The following GPATCH2 variants were observed in gnomAD, a reference collection of about 807,000 sequenced individuals.
GPATCH2 encodes G-patch domain containing 2, also known as G patch domain-containing protein 2.
In GPATCH2, 51 loss-of-function variants were observed where a neutral mutation model predicts 58.0. The ratio of observed to expected loss-of-function variants is 0.88; its 90% confidence interval spans 0.70 to 1.11. GPATCH2 has a LOEUF of 1.11. GPATCH2 is among the 50% of genes most tolerant of loss of function. GPATCH2 has a pLI of 0.00. For synonymous variants in GPATCH2, 222 were observed against 218.5 expected, an observed-to-expected ratio of 1.02 and a Z score of -0.14; for missense variants, 625 against 652.2, an observed-to-expected ratio of 0.96 and a Z score of 0.45.
chr1:217,594,342 T>C (rs1015200780), intron 5 of GPATCH2, among the ~76,000 whole-genome samples: 3 of 152,124 alleles, frequency 2.0e-5, no homozygotes, highest in Non-Finnish European at 4.4e-5. Context: ...TTAAAAAAAG[T>C]ATATTTTATT....
chr1:217,539,172 T>C (rs547551328), intron 5 of GPATCH2, among the ~76,000 whole-genome samples: 17 of 152,190 alleles, frequency 1.1e-4, no homozygotes, highest in African/African-American at 3.1e-4. Context: ...AAATAAAACA[T>C]TGACAAGTAT....
intron 6 of GPATCH2, among the ~76,000 whole-genome samples, chr1:217,502,085 A>G (rs1029716255): frequency 2.0e-4 from 30 of 152,052 alleles, no homozygotes; most frequent in Admixed American, 2.6e-4. Context: ...TTATGTGTCT[A>G]TCCCTCTACC....
intron 9 of GPATCH2, among the ~76,000 whole-genome samples, chr1:217,434,912 A>G (rs1054294168): frequency 6.6e-6 from 1 of 152,230 alleles, no homozygotes; most frequent in Non-Finnish European, 1.5e-5. Context: ...ATAAAACAAT[A>G]TAACATAAAA....
intron 8 of GPATCH2, chr1:217,491,395 A>C (rs1480454653): frequency 6.2e-6 from 1 of 161,632 alleles, no homozygotes; most frequent in East Asian, 1.7e-4. Context: ...AATTTTTTAG[A>C]TTAAAAATGA....
Position 217,602,887 on chromosome 1 carries a change from A to C in GPATCH2, c.1098+7434T>G, listed in dbSNP as rs1192968077. On this transcript the variant is annotated intron_variant, in intron 5 of 9. Transcript: ENST00000366935. ...CTTTGTAACCAGGCATTTTGTGACCAAGAAATGAAGACTACTTTATGAAGA... is the reference window on the plus strand; with the variant it reads ...CTTTGTAACCAGGCATTTTGTGACCCAGAAATGAAGACTACTTTATGAAGA... Among the ~76,000 whole-genome samples, 4 of 152,310 alleles carry C rather than the reference A, an allele frequency of 2.6e-5. No homozygotes were observed. The East Asian group carries it at 7.7e-4, about 29-fold the overall frequency.
In GPATCH2 at chr1:217,610,331, G is replaced by A; in HGVS notation, c.1088C>T (p.Pro363Leu). The change falls in exon 5 of 10, where the codon CCA (proline) becomes CTA (leucine). Residue 363 changes from proline to leucine, a missense_variant. Pro to Leu is a moderately conservative substitution (Grantham distance 98, BLOSUM62 -3). Transcript: ENST00000366935. ...SKNIKKSGGT[P>L]TSMVPIPGPV... ...AAAAAGTATGCCTACCATTGAAGTT[G>A]GAGTCCCTCCAGATTTTTTAATATT... is the stretch of plus-strand genomic sequence containing the variant. 1 of 1,583,958 alleles carries A rather than the reference G, an allele frequency of 6.3e-7. No individual in the cohort carries two copies. Among genetic ancestry groups the A allele is most frequent in the Non-Finnish European group, 8.7e-7 (1 of 1,153,588 alleles).
In GPATCH2 at chr1:217,611,216, T is replaced by C. The variant is rs1014678089; in HGVS notation, c.836-145A>G. ...TGACTAACTTTTAATATAAGTATTA[T>C]ATACTTGCACTAAATTTTTGGTGGA... is the stretch of plus-strand genomic sequence containing the variant. On this transcript the variant is annotated intron_variant, in intron 3 of 9. Coordinates refer to ENST00000366935, the MANE Select transcript of GPATCH2 (RefSeq NM_018040.5). 10 of 709,636 alleles carry C rather than the reference T, an allele frequency of 1.4e-5. No homozygotes were observed. The African/African-American group carries it at 1.4e-4, about 10-fold the overall frequency. The allele number at this position is 709,636 out of a possible 1,614,324, so 44.0% of individuals were successfully genotyped here.
At chr1:217,451,842 C>T (rs1240255100) in intron 8 of GPATCH2, among the ~76,000 whole-genome samples, 1 of 152,190 alleles carries the variant, frequency 6.6e-6, no homozygotes, top group Non-Finnish European at 1.5e-5. Context: ...CATGAACTAG[C>T]TACTTCTGAT....
At chr1:217,482,851 A>G (rs1250279197) in intron 8 of GPATCH2, among the ~76,000 whole-genome samples, 1 of 152,170 alleles carries the variant, frequency 6.6e-6, no homozygotes, top group Non-Finnish European at 1.5e-5. Context: ...GATAATGAAC[A>G]TATCTATCAT....
intron 5 of GPATCH2, among the ~76,000 whole-genome samples, chr1:217,558,777 T>G (rs1665769983): frequency 6.6e-6 from 1 of 152,110 alleles, no homozygotes; most frequent in East Asian, 1.9e-4. Context: ...GTGAGACCTG[T>G]TCTACAAAAG....
intron 5 of GPATCH2, among the ~76,000 whole-genome samples, chr1:217,597,169 A>C (rs994423783): frequency 1.3e-5 from 2 of 151,872 alleles, no homozygotes; most frequent in Non-Finnish European, 1.5e-5. Context: ...CTACCAAAAA[A>C]AAAAAAATTA....
intron 8 of GPATCH2, 54 bp downstream of exon 8, chr1:217,491,626 T>C (rs2102533200): frequency 2.5e-6 from 2 of 789,480 alleles, no homozygotes; most frequent in East Asian, 2.6e-5. Flanking sequence ...TACATTCTTA[T>C]AGGCATAGAA....
At chr1:217,607,546 T>C (rs1668420685) in intron 5 of GPATCH2, among the ~76,000 whole-genome samples, 1 of 152,200 alleles carries the variant, frequency 6.6e-6, no homozygotes, top group Admixed American at 6.5e-5. Flanking sequence ...ATGAGTTCGA[T>C]GTTAGTAAGT....
At chr1:217,452,061 A>G (rs1659692332) in intron 8 of GPATCH2, among the ~76,000 whole-genome samples, 1 of 152,184 alleles carries the variant, frequency 6.6e-6, no homozygotes, top group African/African-American at 2.4e-5. Flanking sequence ...GGGGCCATAC[A>G]TGCCACCTTT....
At chr1:217,472,942 C>T (rs574284866) in intron 8 of GPATCH2, among the ~76,000 whole-genome samples, 2 of 152,148 alleles carry the variant, frequency 1.3e-5, no homozygotes, top group Admixed American at 6.5e-5. Flanking sequence ...CTCTTTAGCA[C>T]AGCAAGTTCT....
chr1:217,627,323 T>C (rs1310404589), intron 1 of GPATCH2, among the ~76,000 whole-genome samples: 5 of 152,018 alleles, frequency 3.3e-5, no homozygotes, highest in Non-Finnish European at 7.4e-5. Flanking sequence ...GTTAAAGGCC[T>C]TCAATCTTTC....
chr1:217,447,388 CATGGATTTAGGTGTT>C (rs1249766752), intron 9 of GPATCH2, among the ~76,000 whole-genome samples: 1 of 152,118 alleles, frequency 6.6e-6, no homozygotes, highest in Non-Finnish European at 1.5e-5. Context: ...ATGGAAAGAG[CATGGATTTAGGTGTT>C]ATGCAGACCT....
intron 8 of GPATCH2, among the ~76,000 whole-genome samples, chr1:217,464,479 C>T (rs1305422845): frequency 6.6e-6 from 1 of 152,216 alleles, no homozygotes. Flanking sequence ...TGAAAGATAC[C>T]AGTTTATAAA....
chr1:217,620,510 T>A lies in GPATCH2; in HGVS notation c.57-11A>T, dbSNP rs1369871146. ...GTTCTACTGAAATGCCTTCATTTTT[T>A]AGAGAAAGAAAAAAGAAAATAGTCA... On this transcript the variant is annotated splice_polypyrimidine_tract_variant and intron_variant, in intron 1 of 9. Coordinates refer to ENST00000366935, the MANE Select transcript of GPATCH2 (RefSeq NM_018040.5). 2 of 1,521,852 alleles carry A rather than the reference T, an allele frequency of 1.3e-6. No homozygotes were observed. The highest frequency in any genetic ancestry group is 1.9e-5 in the Admixed American group (1 of 51,796). The allele number at this position is 1,521,852 out of a possible 1,614,324, so 94.3% of individuals were successfully genotyped here. A position where few individuals can be genotyped will look rare whatever the true frequency, so the allele number is the denominator to read the frequency against.
Sources: gnomAD v4.1 joint callset for allele counts (sites outside exome capture counted in the v4.1 genomes callset) on GRCh38, gnomAD v4.1.1 for gene constraint, MANE v1.5 for transcripts, NCBI Gene and HGNC (gene_info 2026-07-23, HGNC 2026-07-21) for gene names.